PPP2R1B: variants seen among roughly 807,000 people sequenced by gnomAD.
PPP2R1B encodes serine/threonine-protein phosphatase 2A 65 kDa regulatory subunit A beta isoform.
PPP2R1B carries 58 observed loss-of-function variants against 72.7 expected under a neutral mutation model. The observed-to-expected ratio is 0.80, with a 90% CI of 0.65 to 0.99. The LOEUF is 0.99. PPP2R1B is among the 50% of genes least tolerant of loss of function. The probability of loss-of-function intolerance (pLI) is 0.00; values close to 1 mark genes in which losing one functional copy is unlikely to be tolerated. For missense variants in PPP2R1B, 695 were observed against 733.6 expected (o/e 0.95, Z 0.61); for synonymous variants, 256 against 264.6 (o/e 0.97, Z 0.32).
chr11:111,755,500 G>C (rs1555049374), intron 5 of PPP2R1B, 50 bp from the exon 6 acceptor site: 3 of 1,539,246 alleles, frequency 1.9e-6, no homozygotes, highest in Non-Finnish European at 2.6e-6. Context: ...GACCCATGGG[G>C]AACTGCTGTG....
In PPP2R1B at chr11:111,740,201, G is replaced by A. The variant is rs1236734066; in HGVS notation, c.*1395C>T. The A allele has an allele frequency of 1.6e-5, 16 of 985,298 alleles. No individual in the cohort carries two copies. The highest frequency in any genetic ancestry group is 1.9e-5 in the Non-Finnish European group (16 of 829,824). 61.0% of individuals were successfully genotyped at this position (985,298 alleles called of 1,614,324 possible). On this transcript the variant is annotated 3_prime_UTR_variant, in exon 15 of 15. Transcript: ENST00000527614. ...TTAACCAAAAGTCATGAGACAAGGT[G>A]AGTTTGATTATGTGAAAAATAGTTG...
At chr11:111,694,986 T>C in the PPP2R1B span, among the ~76,000 whole-genome samples, 2 of 152,196 alleles carry the variant, frequency 1.3e-5, no homozygotes, top group Non-Finnish European at 2.9e-5. Flanking sequence ...GAGTGACTGA[T>C]GTTTGGAAAT....
At chr11:111,732,803 C>T (rs1388477439) in intron 15 of PPP2R1B, among the ~76,000 whole-genome samples, 4 of 152,198 alleles carry the variant, frequency 2.6e-5, no homozygotes, top group East Asian at 1.9e-4. Flanking sequence ...GCCAGCAGCC[C>T]GTGGGCACCA....
downstream of PPP2R1B, among the ~76,000 whole-genome samples, chr11:111,736,467 C>A (rs913256540): frequency 7.2e-5 from 11 of 152,326 alleles, no homozygotes; most frequent in African/African-American, 2.6e-4. Context: ...AGCTCTCCTC[C>A]CTGAGGCCCA....
chr11:111,733,664 C>G (rs1944260750), downstream of PPP2R1B, among the ~76,000 whole-genome samples: 1 of 152,180 alleles, frequency 6.6e-6, no homozygotes, highest in African/African-American at 2.4e-5. Flanking sequence ...CCACCAAGCC[C>G]TTTCCTCCAA....
At chr11:111,724,313 C>A, downstream of PPP2R1B, 1 of 852,680 alleles carries the variant, frequency 1.2e-6, no homozygotes, top group Non-Finnish European at 1.7e-6. Flanking sequence ...TCTGCCCCAC[C>A]ACAAAGTTTT....
At position 111,738,212 on chromosome 11, in the gene PPP2R1B, A is replaced by G; in HGVS notation, c.*3384T>C. On this transcript the variant is annotated 3_prime_UTR_variant, in exon 15 of 15. Coordinates refer to ENST00000527614, the MANE Select transcript of PPP2R1B (RefSeq NM_002716.5). ...TGCTAAACCAGGAGAACACTGGGCA[A>G]CAGGGCCTCTCCCTCTACAGTTTCA... 2.0e-6 allele frequency: 2 copies of G among 985,700 alleles called. No individual in the cohort carries two copies. Among genetic ancestry groups the G allele is most frequent in the Non-Finnish European group, 2.4e-6 (2 of 830,128 alleles). The allele number at this position is 985,700 out of a possible 1,614,324, so 61.1% of individuals were successfully genotyped here.
chr11:111,735,777 C>T (rs976389411), downstream of PPP2R1B, among the ~76,000 whole-genome samples: 1 of 152,220 alleles, frequency 6.6e-6, no homozygotes, highest in African/African-American at 2.4e-5. Flanking sequence ...CTCACGCTCA[C>T]CCCATTCGGA....
chr11:111,766,086 A>T, intron 1 of PPP2R1B, 162 bp downstream of exon 1: 1 of 690,940 alleles, frequency 1.4e-6, no homozygotes, highest in Non-Finnish European at 2.5e-6. Context: ...GGGGCGTGTC[A>T]CCACAGCCCC....
chr11:111,736,061 T>A (rs1944331575), downstream of PPP2R1B, among the ~76,000 whole-genome samples: 2 of 152,110 alleles, frequency 1.3e-5, no homozygotes, highest in Admixed American at 1.3e-4. Context: ...GGGCCTCCTT[T>A]CCTGGAAAAA....
chr11:111,723,695 G>C, downstream of PPP2R1B: 1 of 1,613,990 alleles, frequency 6.2e-7, no homozygotes. Flanking sequence ...GCCTTCCTCC[G>C]AGCAGATGCA....
chr11:111,723,912 C>T, downstream of PPP2R1B: 3 of 1,613,788 alleles, frequency 1.9e-6, no homozygotes, highest in Non-Finnish European at 2.5e-6. Context: ...CCAAGCGCTG[C>T]TTCCCCTGCG....
At chr11:111,715,298 T>C in the PPP2R1B span, among the ~76,000 whole-genome samples, 1 of 152,144 alleles carries the variant, frequency 6.6e-6, no homozygotes, top group East Asian at 1.9e-4. Context: ...TTGGGGCCCA[T>C]AAATAAGTGC....
At chr11:111,725,987 G>A (rs1943952476), downstream of PPP2R1B, 1 of 150,210 alleles carries the variant, frequency 6.7e-6, no homozygotes, top group South Asian at 2.1e-4. Flanking sequence ...TCTTCTGGGA[G>A]TTGTTTATTC....
At chr11:111,718,882 C>A in the PPP2R1B span, 1 of 152,380 alleles carries the variant, frequency 6.6e-6, no homozygotes, top group Non-Finnish European at 1.5e-5. Context: ...ATAATTACCT[C>A]CTCACAGGGG....
At chr11:111,762,038 G>C (rs782490885) in intron 3 of PPP2R1B, among the ~76,000 whole-genome samples, 6 of 152,148 alleles carry the variant, frequency 3.9e-5, no homozygotes, top group Non-Finnish European at 8.8e-5. Flanking sequence ...AAATGGGGTG[G>C]ATGGTCTGGA....
At chr11:111,761,792 C>T (rs965592514) in intron 3 of PPP2R1B, among the ~76,000 whole-genome samples, 1 of 152,100 alleles carries the variant, frequency 6.6e-6, no homozygotes, top group Non-Finnish European at 1.5e-5. Flanking sequence ...AACCCTGTCT[C>T]TACAAAAAAT....
At chr11:111,725,843 T>C (rs1591654098), downstream of PPP2R1B, 1 of 152,530 alleles carries the variant, frequency 6.6e-6, no homozygotes, top group Non-Finnish European at 1.5e-5. Flanking sequence ...GCGCTCACCA[T>C]GGGTGCCAGG....
chr11:111,696,724 T>C, the PPP2R1B span, among the ~76,000 whole-genome samples: 2 of 152,250 alleles, frequency 1.3e-5, no homozygotes, highest in Admixed American at 1.3e-4. Flanking sequence ...TATTTTGTGT[T>C]GTTGCAAGAC....
Sources: allele counts gnomAD v4.1 joint callset (sites outside exome capture counted in the v4.1 genomes callset), GRCh38; gene constraint gnomAD v4.1.1; transcripts MANE v1.5; gene names NCBI Gene and HGNC (gene_info 2026-07-23, HGNC 2026-07-21).